Variants in TTC7A observed in about 807,000 individuals in gnomAD.
TTC7A encodes the protein tetratricopeptide repeat protein 7A.
Under a neutral mutation model 103.7 loss-of-function variants are expected in TTC7A, and 110 were observed. That is an observed-to-expected ratio of 1.06 (90% CI 0.91 to 1.24). The LOEUF (loss-of-function observed/expected upper bound fraction) is 1.24, where lower values mean the gene tolerates loss of function less well. Among genes scored for constraint, TTC7A ranks in the 50% most tolerant of loss-of-function variants. The pLI, the probability that TTC7A is intolerant of heterozygous loss-of-function variation, is 0.00. For missense variants in TTC7A, 1,340 were observed against 1,116.3 expected (o/e 1.20, Z -2.86); for synonymous variants, 521 against 467.9 (o/e 1.11, Z -1.47).
chr2:47,070,760 C>G (rs1684612022), intron 19 of TTC7A, among the ~76,000 whole-genome samples: 1 of 152,140 alleles, frequency 6.6e-6, no homozygotes, highest in Non-Finnish European at 1.5e-5. Flanking sequence ...CCCCCAGAGC[C>G]CTGCACCTCC....
chr2:46,993,964 A>G (rs1267056856), intron 6 of TTC7A, among the ~76,000 whole-genome samples: 1 of 152,146 alleles, frequency 6.6e-6, no homozygotes, highest in African/African-American at 2.4e-5. Flanking sequence ...ATAATTCTCC[A>G]TCGAATATCA....
chr2:47,072,490 T>G (rs745803154), intron 19 of TTC7A, among the ~76,000 whole-genome samples: 1 of 152,246 alleles, frequency 6.6e-6, no homozygotes, highest in Non-Finnish European at 1.5e-5. Flanking sequence ...AAACCAGGCA[T>G]GCGCATCTTC....
At chr2:47,023,503 C>A in intron 13 of TTC7A, 38 bp downstream of exon 13, 1 of 1,606,560 alleles carries the variant, frequency 6.2e-7, no homozygotes, top group Non-Finnish European at 8.5e-7. Flanking sequence ...GCCCCTCTTG[C>A]CTTTGGTGGC....
At chr2:47,020,643 C>T (rs1303076392) in intron 11 of TTC7A, among the ~76,000 whole-genome samples, 2 of 152,258 alleles carry the variant, frequency 1.3e-5, no homozygotes, top group Non-Finnish European at 2.9e-5. Context: ...GCCTCTCCCG[C>T]CGTCTCCCTC....
chr2:46,998,864 C>G (rs1372236044), intron 8 of TTC7A, among the ~76,000 whole-genome samples: 1 of 152,080 alleles, frequency 6.6e-6, no homozygotes, highest in African/African-American at 2.4e-5. Flanking sequence ...ATGAGGGAGA[C>G]CTTGTCTTTC....
chr2:46,976,389 T>C (rs893666331), intron 4 of TTC7A, among the ~76,000 whole-genome samples: 1 of 152,238 alleles, frequency 6.6e-6, no homozygotes, highest in Non-Finnish European at 1.5e-5. Flanking sequence ...TCAGGTATTC[T>C]GTGGAAAAGA....
chr2:46,917,870 G>A (rs1373270950), intron 2 of TTC7A, among the ~76,000 whole-genome samples: 1 of 152,102 alleles, frequency 6.6e-6, no homozygotes, highest in East Asian at 1.9e-4. Flanking sequence ...CACACTCTGG[G>A]TCCTTCTGCT....
Position 46,941,521 on chromosome 2 carries a change from C to T in TTC7A, c.-21C>T, listed in dbSNP as rs1464102635. On this transcript the variant is annotated 5_prime_UTR_variant, in exon 1 of 20. Coordinates refer to ENST00000319190, the MANE Select transcript of TTC7A (RefSeq NM_020458.4). This position sits in a 1 kb window ranked among gnomAD's most constrained non-coding sequence, Gnocchi z 4.2. ...GTCTCCACTTCTTGGCCGCACCTTCCATGACAGCGCCCGCGAGAAGATGGC... is the reference window on the plus strand; with the variant it reads ...GTCTCCACTTCTTGGCCGCACCTTCTATGACAGCGCCCGCGAGAAGATGGC... 13 of 1,550,152 alleles carry T rather than the reference C, an allele frequency of 8.4e-6. No individual in the cohort carries two copies. The Admixed American group carries it at 1.6e-4, about 19-fold the overall frequency.
intron 2 of TTC7A, among the ~76,000 whole-genome samples, chr2:46,926,610 G>C (rs1669395407): frequency 6.6e-6 from 1 of 152,164 alleles, no homozygotes; most frequent in African/African-American, 2.4e-5. Flanking sequence ...ATTTCAGATT[G>C]GTAGAGCCCC....
intron 2 of TTC7A, chr2:46,956,528 G>C (rs76918023): frequency 1.2e-5 from 4 of 333,438 alleles, no homozygotes; most frequent in African/African-American, 4.1e-5. Flanking sequence ...GCAGTCTTTG[G>C]GGGGATTCAG....
At chr2:46,948,131 C>A (rs113649862) in intron 1 of TTC7A, among the ~76,000 whole-genome samples, 1 of 152,184 alleles carries the variant, frequency 6.6e-6, no homozygotes, top group Non-Finnish European at 1.5e-5. Flanking sequence ...CCCAAGGGCA[C>A]GGAGTCCTGC....
At position 47,047,227 on chromosome 2, in the gene TTC7A, C is replaced by T. The variant is rs762994012; in HGVS notation, c.1919+796C>T. 5.4e-6 allele frequency: 7 copies of T among 1,292,884 alleles called. No homozygotes were observed. The South Asian group carries it at 6.5e-5, about 12-fold the overall frequency. The allele number at this position is 1,292,884 out of a possible 1,614,324, so 80.1% of individuals were successfully genotyped here. A position where few individuals can be genotyped will look rare whatever the true frequency, so the allele number is the denominator to read the frequency against. On this transcript the variant is annotated intron_variant, in intron 16 of 19. Coordinates refer to ENST00000319190, the MANE Select transcript of TTC7A (RefSeq NM_020458.4). ...TGGCTGTGTCATCTCCCTGAGGCCT[C>T]AGGGGACCCCAGTCTGGTGTATATT...
intron 5 of TTC7A, among the ~76,000 whole-genome samples, chr2:46,982,437 C>G (rs930250375): frequency 1.3e-5 from 2 of 152,082 alleles, no homozygotes; most frequent in African/African-American, 2.4e-5. Context: ...CTCCCTTTCT[C>G]TCCTCATGCC....
At chr2:47,008,989 G>T (rs1215407085) in intron 10 of TTC7A, among the ~76,000 whole-genome samples, 4 of 152,082 alleles carry the variant, frequency 2.6e-5, no homozygotes, top group African/African-American at 9.7e-5. Flanking sequence ...GTGGGGGTGG[G>T]GTGGAACGGG....
chr2:47,020,967 G>C (rs1558587015), intron 11 of TTC7A, among the ~76,000 whole-genome samples: 1 of 152,252 alleles, frequency 6.6e-6, no homozygotes, highest in African/African-American at 2.4e-5. Flanking sequence ...CCTCTGACCA[G>C]GAGAAATGCC....
intron 11 of TTC7A, among the ~76,000 whole-genome samples, chr2:47,016,431 C>T (rs1678667785): frequency 6.6e-6 from 1 of 152,212 alleles, no homozygotes; most frequent in African/African-American, 2.4e-5. Context: ...CTGTGAAACA[C>T]CAATGCCATC....
At chr2:47,014,693 A>G (rs1326414264) in intron 11 of TTC7A, among the ~76,000 whole-genome samples, 4 of 152,232 alleles carry the variant, frequency 2.6e-5, no homozygotes, top group Non-Finnish European at 5.9e-5. Context: ...CTTCGCAGTT[A>G]TTCTGGCTCA....
At chr2:46,967,074 G>T (rs186893755) in intron 3 of TTC7A, among the ~76,000 whole-genome samples, 5 of 151,954 alleles carry the variant, frequency 3.3e-5, no homozygotes, top group African/African-American at 7.3e-5. Context: ...TTAGCCAGGC[G>T]TGGTGGCGCG....
rs1442104443 is a variant in TTC7A at position 46,975,016 on chromosome 2, C to T, written c.561C>T (p.Phe187=). Residue 187 remains phenylalanine, a synonymous_variant, in exon 4 of 20, where the codon TTC becomes TTT. Transcript: ENST00000319190. ...ERLPNSIASR[F]RLTEREEEVI... ...TACCCAACTCCATCGCCTCCCGCTT[C>T]CGCCTGACAGAGAGGGAGGAGGAAG... 1.2e-6 allele frequency: 2 copies of T among 1,614,120 alleles called. No homozygotes were observed.
Sources: gnomAD v4.1 joint callset for allele counts (sites outside exome capture counted in the v4.1 genomes callset) on GRCh38, gnomAD v4.1.1 for gene constraint, Gnocchi (gnomAD v3.1) non-coding constraint, MANE v1.5 for transcripts, NCBI Gene and HGNC (gene_info 2026-07-23, HGNC 2026-07-21) for gene names.